ARHGAP32: variants seen among roughly 807,000 people sequenced by gnomAD.
The protein encoded by ARHGAP32 is rho GTPase-activating protein 32.
A neutral mutation model predicts 186.5 loss-of-function variants in ARHGAP32; 51 were observed. That is an observed-to-expected ratio of 0.27 (90% CI 0.22 to 0.35). The LOEUF is 0.35. ARHGAP32 is among the 10% of genes least tolerant of loss of function. The pLI, the probability that ARHGAP32 is intolerant of heterozygous loss-of-function variation, is 1.00. For missense variants in ARHGAP32, 2,186 were observed against 2,623.5 expected (o/e 0.83, Z 3.64); for synonymous variants, 950 against 964.3 (o/e 0.99, Z 0.27).
intron 1 of ARHGAP32, among the ~76,000 whole-genome samples, chr11:129,216,059 G>A (rs1944640479): frequency 6.6e-6 from 1 of 152,090 alleles, no homozygotes; most frequent in South Asian, 2.1e-4. Context: ...GAAAAGGCAA[G>A]GAAAGAATTC....
chr11:128,976,476 A>G lies in ARHGAP32; in HGVS notation c.2194+87T>C, dbSNP rs1297014869. 2.8e-6 allele frequency: 3 copies of G among 1,087,898 alleles called. No individual in the cohort carries two copies. The Admixed American group carries it at 5.8e-5, about 21-fold the overall frequency. 67.4% of individuals were successfully genotyped at this position (1,087,898 alleles called of 1,614,324 possible). On this transcript the variant is annotated intron_variant, in intron 20 of 22. Transcript: ENST00000682385. ...AAATGAGTTAATAGCCTATTTATTA[A>G]GCACAGATATATAAAAATATACTCA...
At chr11:129,230,780 T>C (rs1944848019) in intron 1 of ARHGAP32, among the ~76,000 whole-genome samples, 1 of 152,148 alleles carries the variant, frequency 6.6e-6, no homozygotes, top group African/African-American at 2.4e-5. Flanking sequence ...CTGGTTAACT[T>C]GTAAAATATA....
At chr11:129,235,775 T>C (rs559927729) in intron 1 of ARHGAP32, among the ~76,000 whole-genome samples, 18 of 152,094 alleles carry the variant, frequency 1.2e-4, no homozygotes, top group Non-Finnish European at 1.8e-4. Flanking sequence ...TACATCCTCA[T>C]AGCTTAGTTC....
intron 1 of ARHGAP32, among the ~76,000 whole-genome samples, chr11:129,181,135 T>G (rs1279033355): frequency 6.6e-6 from 1 of 152,196 alleles, no homozygotes; most frequent in Non-Finnish European, 1.5e-5. Flanking sequence ...TTTCTCTTTC[T>G]ATTCTTCCGA....
In ARHGAP32 at chr11:129,027,098, CA is replaced by C. The variant is rs368676310; in HGVS notation, c.1045+13829del. Among the ~76,000 whole-genome samples, 467 of 108,148 alleles carry C rather than the reference CA, an allele frequency of 4.3e-3. 1 individual carries two copies. The highest frequency in any genetic ancestry group is 5.8e-3 in the Admixed American group (57 of 9,804). The allele number at this position is 108,148 out of a possible 152,430, so 70.9% of individuals were successfully genotyped here. A position where few individuals can be genotyped will look rare whatever the true frequency, so the allele number is the denominator to read the frequency against. ...TGGGCAACAGCGCAAGACTCTGTCT[CA>C]AAAAAAAAAAAAAAAAATTACCTGG... is the stretch of plus-strand genomic sequence containing the variant. On this transcript the variant is annotated intron_variant, in intron 11 of 22. Transcript: ENST00000682385.
intron 5 of ARHGAP32, among the ~76,000 whole-genome samples, chr11:129,120,755 A>G (rs1942507674): frequency 6.6e-6 from 1 of 152,134 alleles, no homozygotes; most frequent in African/African-American, 2.4e-5. Context: ...ATAAACATAA[A>G]GACAATGAAT....
At chr11:129,178,466 A>C (rs1003311811) in intron 1 of ARHGAP32, among the ~76,000 whole-genome samples, 13 of 152,168 alleles carry the variant, frequency 8.5e-5, no homozygotes, top group African/African-American at 2.9e-4. Context: ...TGGAACCAAA[A>C]AAGAGCCCAC....
intron 2 of ARHGAP32, among the ~76,000 whole-genome samples, chr11:129,137,784 AGAT>A (rs1942967299): frequency 6.6e-6 from 1 of 152,104 alleles, no homozygotes; most frequent in Admixed American, 6.5e-5. Flanking sequence ...AGTCACATGC[AGAT>A]GATGTATTAA....
At chr11:129,224,122 G>C (rs1944749231) in intron 1 of ARHGAP32, among the ~76,000 whole-genome samples, 1 of 152,132 alleles carries the variant, frequency 6.6e-6, no homozygotes, top group South Asian at 2.1e-4. Flanking sequence ...CATTCAGACA[G>C]GAAAGCAGTA....
At chr11:129,216,093 C>T (rs35070085) in intron 1 of ARHGAP32, among the ~76,000 whole-genome samples, 1 of 151,968 alleles carries the variant, frequency 6.6e-6, no homozygotes, top group Non-Finnish European at 1.5e-5. Flanking sequence ...CTGGAGCGAG[C>T]ACAACCCTGC....
intron 1 of ARHGAP32, among the ~76,000 whole-genome samples, chr11:129,253,327 TCTCA>T (rs1166757543): frequency 1.1e-4 from 17 of 152,298 alleles, no homozygotes; most frequent in African/African-American, 2.4e-4. Context: ...AGGTACACAC[TCTCA>T]CTATTTTTCA....
chr11:129,245,601 A>AAAATAAAT (rs777713723), intron 1 of ARHGAP32, among the ~76,000 whole-genome samples: 2 of 150,114 alleles, frequency 1.3e-5, no homozygotes, highest in African/African-American at 4.9e-5. Context: ...AAGTATAATA[A>AAAATAAAT]AAATAAATAA....
chr11:129,008,916 TCTC>T (rs1165688321), intron 11 of ARHGAP32, among the ~76,000 whole-genome samples: 2 of 152,200 alleles, frequency 1.3e-5, no homozygotes, highest in Admixed American at 1.3e-4. Flanking sequence ...GTGTAATTAT[TCTC>T]CTCTAGTTGC....
chr11:129,253,309 G>A (rs1466116379), intron 1 of ARHGAP32, among the ~76,000 whole-genome samples: 2 of 152,068 alleles, frequency 1.3e-5, no homozygotes, highest in Non-Finnish European at 2.9e-5. Flanking sequence ...CATAATGTAT[G>A]GCTAGGTAGG....
intron 1 of ARHGAP32, among the ~76,000 whole-genome samples, chr11:129,249,391 G>A (rs1442652838): frequency 3.9e-5 from 6 of 151,916 alleles, no homozygotes; most frequent in Non-Finnish European, 5.9e-5. Flanking sequence ...GTATCAATTC[G>A]AAAGGATTTC....
intron 5 of ARHGAP32, among the ~76,000 whole-genome samples, chr11:129,103,953 C>G (rs1265805663): frequency 2.6e-5 from 4 of 152,084 alleles, no homozygotes; most frequent in Non-Finnish European, 5.9e-5. Context: ...AAGGAATAAA[C>G]AGTTCCAGAA....
At chr11:129,090,337 T>C (rs1361558249) in intron 6 of ARHGAP32, among the ~76,000 whole-genome samples, 1 of 152,178 alleles carries the variant, frequency 6.6e-6, no homozygotes, top group Non-Finnish European at 1.5e-5. Context: ...AGCATTCCCC[T>C]GAAACCAAGT....
intron 1 of ARHGAP32, among the ~76,000 whole-genome samples, chr11:129,227,962 G>T (rs1944808163): frequency 6.6e-6 from 1 of 152,056 alleles, no homozygotes; most frequent in Non-Finnish European, 1.5e-5. Context: ...GAACATTTTA[G>T]GATAGAACAT....
At chr11:129,125,816 A>G in intron 2 of ARHGAP32, 1 of 378,398 alleles carries the variant, frequency 2.6e-6, no homozygotes, top group Non-Finnish European at 5.1e-6. Context: ...TTCTTAGCAA[A>G]TTTAACTATT....
Sources: allele counts gnomAD v4.1 joint callset (sites outside exome capture counted in the v4.1 genomes callset), GRCh38; gene constraint gnomAD v4.1.1; transcripts MANE v1.5; gene names NCBI Gene and HGNC (gene_info 2026-07-23, HGNC 2026-07-21).